Variants in SLC12A1 observed in about 807,000 individuals in gnomAD.
The protein encoded by SLC12A1 is solute carrier family 12 member 1, also known as Na-K-2Cl cotransporter.
SLC12A1 carries 89 observed loss-of-function variants against 130.4 expected under a neutral mutation model. The observed-to-expected ratio is 0.68, with a 90% CI of 0.58 to 0.81. The LOEUF is 0.81. Among genes scored for constraint, SLC12A1 ranks in the 40% least tolerant of loss-of-function variants. The pLI, the probability that SLC12A1 is intolerant of heterozygous loss-of-function variation, is 0.00. For missense variants in SLC12A1, 1,310 were observed against 1,336.4 expected, an observed-to-expected ratio of 0.98 and a Z score of 0.31; for synonymous variants, 499 against 460.0, an observed-to-expected ratio of 1.08 and a Z score of -1.09.
Position 48,302,950 on chromosome 15 carries a change from C to G in SLC12A1, c.*65C>G, listed in dbSNP as rs1005579835. ...CATAATTAAGAAACATGTTCCAGTA[C>G]TTTATGTTGTAAATCTGATCTATGG... On this transcript the variant is annotated 3_prime_UTR_variant, in exon 27 of 27. Transcript: ENST00000380993. 1.6e-6 allele frequency: 2 copies of G among 1,266,386 alleles called. No homozygotes were observed. The highest frequency in any genetic ancestry group is 1.1e-6 in the Non-Finnish European group (1 of 894,980). 78.4% of individuals were successfully genotyped at this position (1,266,386 alleles called of 1,614,324 possible).
intron 16 of SLC12A1, among the ~76,000 whole-genome samples, chr15:48,256,152 G>A (rs1300610286): frequency 6.6e-6 from 1 of 152,148 alleles, no homozygotes; most frequent in Non-Finnish European, 1.5e-5. Flanking sequence ...CACCTTCCAT[G>A]CGTGGAGATA....
chr15:48,273,738 A>G (rs1307216823), intron 19 of SLC12A1, among the ~76,000 whole-genome samples: 1 of 152,192 alleles, frequency 6.6e-6, no homozygotes, highest in Non-Finnish European at 1.5e-5. Context: ...ATTCAGACTT[A>G]CCTAGGCCAT....
intron 20 of SLC12A1, 67 bp downstream of exon 20, chr15:48,274,720 T>C (rs1003466832): frequency 9.1e-7 from 1 of 1,103,450 alleles, no homozygotes; most frequent in Admixed American, 1.8e-5. Context: ...GACATTGTTA[T>C]GGGATACAGC....
rs766648982 is a variant in SLC12A1 at position 48,226,473 on chromosome 15, C to T, written c.629-3C>T. On this transcript the variant is annotated splice_polypyrimidine_tract_variant and splice_region_variant and intron_variant, in intron 4 of 26. Coordinates refer to ENST00000380993, the MANE Select transcript of SLC12A1 (RefSeq NM_000338.3). ...AATATCTTCTATCTTTCATTGCTAA[C>T]AGGTCTTGGAGTTCTCATAATTCTT... is the stretch of plus-strand genomic sequence containing the variant. 64 of 1,547,532 alleles carry T rather than the reference C, an allele frequency of 4.1e-5. No individual in the cohort carries two copies. Among genetic ancestry groups the T allele is most frequent in the Non-Finnish European group, 5.4e-5 (61 of 1,136,248 alleles).
chr15:48,210,818 G>T (rs2041043793), intron 2 of SLC12A1, among the ~76,000 whole-genome samples: 1 of 151,620 alleles, frequency 6.6e-6, no homozygotes, highest in Non-Finnish European at 1.5e-5. Context: ...AGCTGAGATA[G>T]TGCCACTGCA....
Position 48,220,955 on chromosome 15 carries a change from TCTTCATTCGC to T in SLC12A1, c.590_599del (p.Phe197SerfsTer16), listed in dbSNP as rs776346805. The T allele has an allele frequency of 3.1e-6, 5 of 1,613,914 alleles. No individual in the cohort carries two copies. The highest frequency in any genetic ancestry group is 1.3e-5 in the African/African-American group (1 of 74,944). ...ATGCTGAACATCTGGGGAGTCATGCTCTTCATTCGCCTCTCCTGGATTGTTGGAGAAGCTG... is the reference window on the plus strand; with the variant it reads ...ATGCTGAACATCTGGGGAGTCATGCTCTCTCCTGGATTGTTGGAGAAGCTG... On this transcript the variant is annotated frameshift_variant, in exon 4 of 27. Coordinates refer to ENST00000380993, the MANE Select transcript of SLC12A1 (RefSeq NM_000338.3). LOFTEE classifies it high-confidence loss of function.
chr15:48,288,047 C>T lies in SLC12A1; in HGVS notation c.2634C>T (p.Gly878=). ...TCAATTCCTCTTTCGTTTCAGATGG[C>T]AGCATTAACACAAGCCAGTCGATGC... ...NITKTTPKKD[G]SINTSQSMHV... Residue 878 remains glycine, a synonymous_variant, in exon 22 of 27, where the codon GGC becomes GGT. Transcript: ENST00000380993. 2 of 1,607,108 alleles carry T rather than the reference C, an allele frequency of 1.2e-6. No homozygotes were observed. The highest frequency in any genetic ancestry group is 1.1e-5 in the South Asian group (1 of 89,070).
chr15:48,250,527 A>G (rs1229276940), intron 14 of SLC12A1, among the ~76,000 whole-genome samples: 1 of 152,134 alleles, frequency 6.6e-6, no homozygotes, highest in Non-Finnish European at 1.5e-5. Context: ...ATGCCATGTT[A>G]TGGCCACTTT....
chr15:48,272,900 G>C (rs999773683), intron 19 of SLC12A1, among the ~76,000 whole-genome samples: 1 of 151,920 alleles, frequency 6.6e-6, no homozygotes, highest in East Asian at 1.9e-4. Context: ...TTGAGGTCTC[G>C]AGTTTGAGAC....
chr15:48,238,909 C>T lies in SLC12A1; in HGVS notation c.1216-2606C>T, dbSNP rs114989035. Among the ~76,000 whole-genome samples the T allele has an allele frequency of 7.7e-3, 1,179 of 152,142 alleles. 22 individuals are homozygous for T. The highest frequency in any genetic ancestry group is 0.027 in the African/African-American group (1,130 of 41,500). On this transcript the variant is annotated intron_variant, in intron 9 of 26. Transcript: ENST00000380993. ...CCTGGGAGAAGATTTAGAAAATACCCAAGTCTAATCAAGAAAGCTAAGAAG... is the reference window on the plus strand; with the variant it reads ...CCTGGGAGAAGATTTAGAAAATACCTAAGTCTAATCAAGAAAGCTAAGAAG...
chr15:48,295,776 G>A (rs997323879), intron 24 of SLC12A1, among the ~76,000 whole-genome samples: 6 of 152,192 alleles, frequency 3.9e-5, no homozygotes, highest in African/African-American at 1.4e-4. Flanking sequence ...GAGGCCACCA[G>A]GAGTGTGCTG....
rs766704125 is a variant in SLC12A1 at position 48,241,561 on chromosome 15, T to C, written c.1262T>C (p.Ile421Thr). The change falls in exon 10 of 27, where the codon ATC becomes ACC. Residue 421 changes from isoleucine (I) to threonine (T), a missense_variant. Transcript: ENST00000380993. ...AGAGGAACCATGCTGGCCATTTTCATCACCACTGTTGCCTACTTAGGGGTT... is the reference window on the plus strand; with the variant it reads ...AGAGGAACCATGCTGGCCATTTTCACCACCACTGTTGCCTACTTAGGGGTT... ...IPRGTMLAIF[I>T]TTVAYLGVAI... The C allele has an allele frequency of 6.2e-7, 1 of 1,613,824 alleles. No homozygotes were observed. Among genetic ancestry groups the C allele is most frequent in the Non-Finnish European group, 8.5e-7 (1 of 1,179,812 alleles).
chr15:48,262,224 TA>T lies in SLC12A1; in HGVS notation c.2154+2915del, dbSNP rs1167975647. Among the ~76,000 whole-genome samples, 8 of 152,308 alleles carry T rather than the reference TA, an allele frequency of 5.3e-5. No individual in the cohort carries two copies. In the East Asian group the frequency reaches 1.5e-3, roughly 29 times the overall value. ...CAGTGAGATATGTGCTTCCACCCAC[TA>T]ATCACAAGACAGCAGGCTCTGGGCT... On this transcript the variant is annotated intron_variant, in intron 17 of 26. Transcript: ENST00000380993.
intron 24 of SLC12A1, among the ~76,000 whole-genome samples, chr15:48,292,094 A>T (rs2042128042): frequency 6.6e-6 from 1 of 152,224 alleles, no homozygotes; most frequent in Non-Finnish European, 1.5e-5. Context: ...GTTGAAACAG[A>T]TTAGTTAGTA....
At chr15:48,280,047 CA>C (rs2041994726) in intron 20 of SLC12A1, among the ~76,000 whole-genome samples, 1 of 151,864 alleles carries the variant, frequency 6.6e-6, no homozygotes, top group Non-Finnish European at 1.5e-5. Flanking sequence ...GAAGGGATTC[CA>C]TTCCCCAGTG....
chr15:48,296,122 C>T (rs2042175612), intron 24 of SLC12A1, among the ~76,000 whole-genome samples: 1 of 152,154 alleles, frequency 6.6e-6, no homozygotes, highest in Non-Finnish European at 1.5e-5. Flanking sequence ...GCCGGGCAGC[C>T]CTTACCTACT....
chr15:48,258,429 T>TCTG (rs2141074564), intron 16 of SLC12A1, among the ~76,000 whole-genome samples: 1 of 146,574 alleles, frequency 6.8e-6, no homozygotes, highest in South Asian at 2.3e-4. Flanking sequence ...TTCATCTCCA[T>TCTG]CTGAGACCAC....
chr15:48,263,831 T>C (rs2041802074), intron 17 of SLC12A1, among the ~76,000 whole-genome samples: 1 of 152,116 alleles, frequency 6.6e-6, no homozygotes, highest in Admixed American at 6.6e-5. Flanking sequence ...TGTCCGGGAC[T>C]ACAGGCATGT....
chr15:48,273,315 ACAC>A (rs1281337594), intron 19 of SLC12A1, among the ~76,000 whole-genome samples: 1 of 151,996 alleles, frequency 6.6e-6, no homozygotes, highest in Non-Finnish European at 1.5e-5. Flanking sequence ...AGTTCCTCTC[ACAC>A]CACATTACTG....
Sources: gnomAD v4.1 joint callset for allele counts (sites outside exome capture counted in the v4.1 genomes callset) on GRCh38, gnomAD v4.1.1 for gene constraint, MANE v1.5 for transcripts, NCBI Gene and HGNC (gene_info 2026-07-23, HGNC 2026-07-21) for gene names.